The following ZNF480 variants were observed in gnomAD, a reference collection of about 807,000 sequenced individuals.
ZNF480 encodes the protein zinc finger protein 480.
In ZNF480, 15 loss-of-function variants were observed where a neutral mutation model predicts 14.4. The observed-to-expected ratio is 1.04, with a 90% confidence interval of 0.70 to 1.60. ZNF480 has a LOEUF of 1.60. Ranked by LOEUF, ZNF480 falls within the 40% of genes most tolerant of loss-of-function variation. ZNF480 has a pLI of 0.00. For missense variants in ZNF480, 593 were observed against 629.7 expected, an observed-to-expected ratio of 0.94 and a Z score of 0.62; for synonymous variants, 218 against 215.5, an observed-to-expected ratio of 1.01 and a Z score of -0.10.
chr19:52,319,162 G>A (rs925376009), intron 4 of ZNF480, among the ~76,000 whole-genome samples: 4 of 151,916 alleles, frequency 2.6e-5, no homozygotes, highest in Non-Finnish European at 5.9e-5. Flanking sequence ...CCACACCTGG[G>A]TCATTTTTTA....
rs1358707213 is a variant in ZNF480 at position 52,323,039 on chromosome 19, T to C, written c.*181T>C. The C allele has an allele frequency of 6.1e-6, 3 of 488,280 alleles. No homozygotes were observed. The highest frequency in any genetic ancestry group is 1.0e-5 in the Non-Finnish European group (3 of 293,634). The allele number at this position is 488,280 out of a possible 1,614,324, so 30.2% of individuals were successfully genotyped here. On this transcript the variant is annotated 3_prime_UTR_variant, in exon 5 of 5. Transcript: ENST00000595962. ...TACTGGAGAGACTTCACAATTATAA[T>C]AAATGTGTGGAAAAGTCTTCAAAAA...
chr19:52,312,208 G>A (rs570605222), intron 2 of ZNF480, among the ~76,000 whole-genome samples: 10 of 151,046 alleles, frequency 6.6e-5, no homozygotes, highest in East Asian at 2.0e-4. Context: ...GCAGTGGCGC[G>A]ATATTGGCTC....
Position 52,321,609 on chromosome 19 carries a change from A to G in ZNF480, c.359A>G (p.Glu120Gly). ...AGCTATGCATTGGGAAGCAATGCAGAAGACAAACCAATTAAAAAACAACTT... is the reference window on the plus strand; with the variant it reads ...AGCTATGCATTGGGAAGCAATGCAGGAGACAAACCAATTAAAAAACAACTT... ...GSSYALGSNA[E>G]DKPIKKQLGV... The change falls in exon 5 of 5, where the codon GAA becomes GGA. Residue 120 changes from glutamate to glycine, a missense_variant. Transcript: ENST00000595962. 2 of 1,604,476 alleles carry G rather than the reference A, an allele frequency of 1.2e-6. No homozygotes were observed. Among genetic ancestry groups the G allele is most frequent in the Non-Finnish European group, 1.7e-6 (2 of 1,174,310 alleles).
At chr19:52,306,367 A>G (rs977135394) in intron 2 of ZNF480, among the ~76,000 whole-genome samples, 1 of 152,132 alleles carries the variant, frequency 6.6e-6, no homozygotes, top group Non-Finnish European at 1.5e-5. Context: ...GCTCTAATGC[A>G]CACTCCTCTA....
At chr19:52,313,520 G>T (rs866341571) in intron 2 of ZNF480, among the ~76,000 whole-genome samples, 3 of 151,884 alleles carry the variant, frequency 2.0e-5, no homozygotes, top group Non-Finnish European at 2.9e-5. Flanking sequence ...TGGTGATATT[G>T]GTAGGTATTC....
rs1387566851 is a variant in ZNF480, at chr19:52,322,572, G to C, written c.1322G>C (p.Gly441Ala). 2.5e-6 allele frequency: 4 copies of C among 1,612,394 alleles called. No individual in the cohort carries two copies. The highest frequency in any genetic ancestry group is 3.4e-6 in the Non-Finnish European group (4 of 1,179,660). Reference protein sequence around the residue: ...ECGKAFSEYSGLSAHLVIHTG... With the variant: ...ECGKAFSEYSALSAHLVIHTG... ...GGTAAAGCATTTAGTGAGTATTCAGGCCTTTCAGCCCATCTTGTAATCCAC... is the reference window on the plus strand; with the variant it reads ...GGTAAAGCATTTAGTGAGTATTCAGCCCTTTCAGCCCATCTTGTAATCCAC... Residue 441 changes from glycine (G) to alanine (A), a missense_variant, in exon 5 of 5, where the codon GGC becomes GCC. Transcript: ENST00000595962.
In ZNF480 at chr19:52,323,168, T is replaced by A. The variant is rs901975487; in HGVS notation, c.*310T>A. The A allele has an allele frequency of 8.1e-6, 2 of 247,262 alleles. No individual in the cohort carries two copies. Among genetic ancestry groups the A allele is most frequent in the Non-Finnish European group, 1.5e-5 (2 of 129,410 alleles). 15.3% of individuals were successfully genotyped at this position (247,262 alleles called of 1,614,324 possible). On this transcript the variant is annotated 3_prime_UTR_variant, in exon 5 of 5. Coordinates refer to ENST00000595962, the MANE Select transcript of ZNF480 (RefSeq NM_144684.4). ...AATACGAAAAACCCTCAAAGATTAC[T>A]ATAAACACCTGTATGCACACAAACT... is the stretch of plus-strand genomic sequence containing the variant.
chr19:52,301,296 G>C (rs1301739417), intron 2 of ZNF480: 1 of 152,214 alleles, frequency 6.6e-6, no homozygotes, highest in East Asian at 1.9e-4. Flanking sequence ...CTGCTAATCT[G>C]TCTGCAGCTC....
At chr19:52,298,360 C>T (rs890779208) in intron 1 of ZNF480, among the ~76,000 whole-genome samples, 17 of 152,246 alleles carry the variant, frequency 1.1e-4, no homozygotes, top group Non-Finnish European at 2.2e-4. Flanking sequence ...AGACCGGGCA[C>T]AGTGGCTCAC....
rs1249827277 is a variant in ZNF480, at chr19:52,325,091, A to T, written c.*2233A>T. On this transcript the variant is annotated 3_prime_UTR_variant, in exon 5 of 5. Transcript: ENST00000595962. ...AATGAGAAAAACAACCCCATTAAAA[A>T]CTGGGCAAAGGCCATGAATAGACCT... The T allele has an allele frequency of 6.6e-6, 1 of 152,244 alleles. No homozygotes were observed. Among genetic ancestry groups the T allele is most frequent in the African/African-American group, 2.4e-5 (1 of 41,464 alleles). The allele number at this position is 152,244 out of a possible 1,614,324, so 9.4% of individuals were successfully genotyped here.
chr19:52,319,829 T>G (rs899964867), intron 4 of ZNF480, among the ~76,000 whole-genome samples: 10 of 150,552 alleles, frequency 6.6e-5, no homozygotes, highest in African/African-American at 1.2e-4. Context: ...TTTTTTTTTT[T>G]TTTTTTAAAT....
At chr19:52,309,833 G>A (rs973711344) in intron 2 of ZNF480, among the ~76,000 whole-genome samples, 6 of 152,046 alleles carry the variant, frequency 3.9e-5, no homozygotes, top group African/African-American at 7.2e-5. Context: ...AAAATGGTCC[G>A]GGGCTTCCTA....
chr19:52,305,892 G>A (rs926677138), intron 2 of ZNF480, among the ~76,000 whole-genome samples: 5 of 152,090 alleles, frequency 3.3e-5, no homozygotes, highest in East Asian at 1.9e-4. Flanking sequence ...CAGTGTTTTC[G>A]TTTTTTACAT....
chr19:52,313,714 G>A, intron 2 of ZNF480: 1 of 318,414 alleles, frequency 3.1e-6, no homozygotes, highest in Non-Finnish European at 6.4e-6. Flanking sequence ...TCACAGGCCA[G>A]GGTGGTGGCT....
chr19:52,299,883 G>A (rs920411789), intron 1 of ZNF480, among the ~76,000 whole-genome samples: 3 of 152,174 alleles, frequency 2.0e-5, no homozygotes, highest in South Asian at 4.1e-4. Context: ...TAGTAGAGAC[G>A]AGGTTTCACA....
Position 52,322,093 on chromosome 19 carries a change from T to C in ZNF480, c.843T>C (p.His281=), listed in dbSNP as rs751494288. The C allele has an allele frequency of 2.5e-6, 4 of 1,614,064 alleles. No individual in the cohort carries two copies. The East Asian group carries it at 8.9e-5, about 36-fold the overall frequency. ...ACTTTGCACGACATCAAAGAATTCA[T>C]ACCAGAGAGAAGCCGTATGAATGTA... ...NSNFARHQRI[H]TREKPYECNE... is the part of the protein sequence containing the mutation. Residue 281 remains histidine (H), a synonymous_variant, in exon 5 of 5, where the codon CAT becomes CAC. Coordinates refer to ENST00000595962, the MANE Select transcript of ZNF480 (RefSeq NM_144684.4).
At chr19:52,297,329 C>T in intron 1 of ZNF480, 106 bp downstream of exon 1, 1 of 394,124 alleles carries the variant, frequency 2.5e-6, no homozygotes, top group Non-Finnish European at 5.0e-6. Context: ...GCACCGCTCC[C>T]TCTACCCCGA....
chr19:52,322,094 A>C lies in ZNF480; in HGVS notation c.844A>C (p.Thr282Pro), dbSNP rs1568636993. The C allele has an allele frequency of 6.2e-7, 1 of 1,614,082 alleles. No individual in the cohort carries two copies. Residue 282 changes from threonine (T) to proline (P), a missense_variant, in exon 5 of 5, where the codon ACC becomes CCC. Physicochemically the swap from Thr to Pro is conservative, Grantham distance 38. Coordinates refer to ENST00000595962, the MANE Select transcript of ZNF480 (RefSeq NM_144684.4). ...CTTTGCACGACATCAAAGAATTCAT[A>C]CCAGAGAGAAGCCGTATGAATGTAA... ...SNFARHQRIH[T>P]REKPYECNEC...
intron 1 of ZNF480, chr19:52,297,628 C>G (rs541805772): frequency 3.3e-5 from 6 of 184,414 alleles, no homozygotes; most frequent in African/African-American, 9.6e-5. Flanking sequence ...GTCTTCTGCC[C>G]AGTGCTGGGA....
Sources: gnomAD v4.1 joint callset for allele counts (sites outside exome capture counted in the v4.1 genomes callset) on GRCh38, gnomAD v4.1.1 for gene constraint, MANE v1.5 for transcripts, NCBI Gene and HGNC (gene_info 2026-07-23, HGNC 2026-07-21) for gene names.